Variants in NPHP1 observed in about 807,000 individuals in gnomAD.
NPHP1 encodes nephrocystin-1.
In NPHP1, 70 loss-of-function variants were observed where a neutral mutation model predicts 90.4. That is an observed-to-expected ratio of 0.77 (90% CI 0.64 to 0.95). NPHP1 has a LOEUF of 0.95. NPHP1 is among the 40% of genes least tolerant of loss of function. NPHP1 has a pLI of 0.00. For missense variants in NPHP1, 764 were observed against 795.9 expected, an observed-to-expected ratio of 0.96 and a Z score of 0.48; for synonymous variants, 256 against 271.7, an observed-to-expected ratio of 0.94 and a Z score of 0.57.
At chr2:110,185,626 C>T (rs2104643555) in intron 2 of NPHP1, among the ~76,000 whole-genome samples, 1 of 152,316 alleles carries the variant, frequency 6.6e-6, no homozygotes, top group Non-Finnish European at 1.5e-5. Flanking sequence ...CCTCCCCTTG[C>T]TGGTCACTCC....
chr2:110,147,112 AT>A (rs1039044137), intron 13 of NPHP1, among the ~76,000 whole-genome samples: 5 of 152,170 alleles, frequency 3.3e-5, no homozygotes, highest in African/African-American at 1.2e-4. Context: ...CTTGACTGAT[AT>A]AAGCATTCTG....
chr2:110,155,603 G>A (rs1254500643), intron 11 of NPHP1, among the ~76,000 whole-genome samples: 1 of 152,170 alleles, frequency 6.6e-6, no homozygotes, highest in East Asian at 1.9e-4. Flanking sequence ...GCGTGACCTG[G>A]ATGTGAGACA....
rs5833368 is a variant in NPHP1 at position 110,179,149 on chromosome 2, G to GAA, written c.204+473_204+474dup. ...ATCTAGCTGTAGCCAAGGCTCATGT[G>GAA]AAAAAAAAAAAAAAATCCTGAAGGG... On this transcript the variant is annotated intron_variant, in intron 3 of 19. Coordinates refer to ENST00000445609, the MANE Select transcript of NPHP1 (RefSeq NM_001128178.3). 5.1e-3 allele frequency among the ~76,000 whole-genome samples: 712 copies of GAA among 139,860 alleles called. 8 individuals are homozygous for GAA. Among genetic ancestry groups the GAA allele is most frequent in the South Asian group, 0.017 (74 of 4,252 alleles). The allele number at this position is 139,860 out of a possible 152,430, so 91.8% of individuals were successfully genotyped here.
At chr2:110,149,447 G>A (rs1189558776) in intron 12 of NPHP1, among the ~76,000 whole-genome samples, 3 of 152,096 alleles carry the variant, frequency 2.0e-5, no homozygotes, top group African/African-American at 7.2e-5. Context: ...GATCAAGATG[G>A]ACTTTTAGGA....
rs60724853 is a variant in NPHP1 at position 110,177,744 on chromosome 2, AT to A, written c.329+678del. 1.3e-3 allele frequency among the ~76,000 whole-genome samples: 195 copies of A among 145,818 alleles called. No individual in the cohort carries two copies. The South Asian group carries it at 0.017, about 13-fold the overall frequency. On this transcript the variant is annotated intron_variant, in intron 4 of 19. Coordinates refer to ENST00000445609, the MANE Select transcript of NPHP1 (RefSeq NM_001128178.3). ...ACAAACAATGCATGTCCCTACTTCAATTTTTTTTTTTTTTAATAGAGACAGT... is the reference window on the plus strand; with the variant it reads ...ACAAACAATGCATGTCCCTACTTCAATTTTTTTTTTTTTAATAGAGACAGT...
intron 11 of NPHP1, 86 bp downstream of exon 11, chr2:110,160,041 T>C (rs775265175): frequency 1.0e-5 from 14 of 1,405,174 alleles, no homozygotes; most frequent in South Asian, 2.3e-5. Flanking sequence ...CTCTTGGGAA[T>C]TGGGGAGGAG....
intron 10 of NPHP1, among the ~76,000 whole-genome samples, chr2:110,160,884 A>T (rs931963312): frequency 6.6e-6 from 1 of 152,236 alleles, no homozygotes; most frequent in Admixed American, 6.5e-5. Context: ...AACTTATATT[A>T]GACTGGGACT....
chr2:110,154,139 G>T (rs963752424), intron 11 of NPHP1, among the ~76,000 whole-genome samples: 1 of 152,036 alleles, frequency 6.6e-6, no homozygotes, highest in African/African-American at 2.4e-5. Context: ...TCTTTCCTGC[G>T]CTGTTCTTGT....
At chr2:110,180,941 C>T (rs1683860925) in intron 2 of NPHP1, among the ~76,000 whole-genome samples, 1 of 152,184 alleles carries the variant, frequency 6.6e-6, no homozygotes, top group African/African-American at 2.4e-5. Context: ...ATTTTATATA[C>T]TCTGGCCCCA....
At chr2:110,164,403 T>A in intron 8 of NPHP1, 2 of 712,894 alleles carry the variant, frequency 2.8e-6, no homozygotes, top group Non-Finnish European at 5.0e-6. Context: ...AACATCTGTT[T>A]CCACTCAAAT....
chr2:110,139,519 TAC>T (rs764679272), intron 16 of NPHP1, among the ~76,000 whole-genome samples: 1 of 152,208 alleles, frequency 6.6e-6, no homozygotes, highest in Non-Finnish European at 1.5e-5. Flanking sequence ...GCCAGTGGTC[TAC>T]ACCGAATAAT....
chr2:110,184,159 T>C, intron 2 of NPHP1: 1 of 558,300 alleles, frequency 1.8e-6, no homozygotes, highest in East Asian at 4.8e-5. Context: ...AAATACTGCT[T>C]TCCAAAGTAT....
At chr2:110,199,528 G>T (rs1263897167) in intron 2 of NPHP1, among the ~76,000 whole-genome samples, 2 of 151,986 alleles carry the variant, frequency 1.3e-5, no homozygotes, top group African/African-American at 4.8e-5. Flanking sequence ...TGGCGGGGGA[G>T]GGGGGCATCC....
At chr2:110,188,517 C>CA (rs1014450782) in intron 2 of NPHP1, among the ~76,000 whole-genome samples, 27 of 151,914 alleles carry the variant, frequency 1.8e-4, no homozygotes, top group Non-Finnish European at 3.4e-4. Context: ...AGAGGTGACA[C>CA]AAAAAAATGG....
intron 2 of NPHP1, among the ~76,000 whole-genome samples, chr2:110,181,646 C>A (rs1287381325): frequency 6.6e-6 from 1 of 152,122 alleles, no homozygotes; most frequent in East Asian, 1.9e-4. Flanking sequence ...TCAGCAACCT[C>A]AAAGATCAAA....
chr2:110,184,382 C>T (rs1362430756), intron 2 of NPHP1: 2 of 615,242 alleles, frequency 3.3e-6, no homozygotes, highest in African/African-American at 1.8e-5. Flanking sequence ...ATCTCGTGCT[C>T]CTCACTGAGG....
Position 110,163,101 on chromosome 2 carries a change from C to T in NPHP1, c.806G>A (p.Gly269Glu). ...INTVDVLTTM[G>E]AIPAGFRPST... The stretch of plus-strand genomic sequence containing the variant: ...AGGCCTGAACCCTGCAGGAATAGCT[C>T]CCATCGTAGTTAACACATCAACAGT... The change falls in exon 9 of 20, where the codon GGA (glycine) becomes GAA (glutamate). Residue 269 changes from glycine (G) to glutamate (E), a missense_variant. By Grantham distance (98) the Gly-to-Glu change is moderately conservative. Transcript: ENST00000445609. The T allele has an allele frequency of 6.2e-7, 1 of 1,613,518 alleles. No homozygotes were observed. Among genetic ancestry groups the T allele is most frequent in the Non-Finnish European group, 8.5e-7 (1 of 1,179,512 alleles).
At chr2:110,125,521 G>T in intron 19 of NPHP1, 116 bp downstream of exon 19, 1 of 1,192,568 alleles carries the variant, frequency 8.4e-7, no homozygotes. Flanking sequence ...CAGTTTCCCT[G>T]GTTAAGAGGG....
At chr2:110,179,545 A>G in intron 3 of NPHP1, 79 bp downstream of exon 3, 2 of 741,130 alleles carry the variant, frequency 2.7e-6, no homozygotes, top group Non-Finnish European at 4.8e-6. Flanking sequence ...GAACTTACCA[A>G]CTTGAATTAA....
Sources: gnomAD v4.1 joint callset for allele counts (sites outside exome capture counted in the v4.1 genomes callset) on GRCh38, gnomAD v4.1.1 for gene constraint, MANE v1.5 for transcripts, NCBI Gene and HGNC (gene_info 2026-07-23, HGNC 2026-07-21) for gene names.